The following CATSPERG variants were observed in gnomAD, a reference collection of about 807,000 sequenced individuals.
The protein encoded by CATSPERG is cation channel sperm-associated auxiliary subunit gamma.
Under a neutral mutation model 145.0 loss-of-function variants are expected in CATSPERG, and 115 were observed. That is an observed-to-expected ratio of 0.79 (90% CI 0.68 to 0.93). The LOEUF (loss-of-function observed/expected upper bound fraction) is 0.93, where lower values mean the gene tolerates loss of function less well. Ranked by LOEUF, CATSPERG falls within the 40% of genes least tolerant of loss-of-function variation. CATSPERG has a pLI of 0.00. For synonymous variants in CATSPERG, 588 were observed against 589.0 expected (o/e 1.00, Z 0.02); for missense variants, 1,296 against 1,490.1 (o/e 0.87, Z 2.14).
intron 13 of CATSPERG, among the ~76,000 whole-genome samples, 164 bp downstream of exon 13, chr19:38,358,725 T>C (rs1052430999): frequency 7.2e-5 from 11 of 152,190 alleles, no homozygotes; most frequent in African/African-American, 2.7e-4. Context: ...ACCGTTAGGG[T>C]AGTCAGTGCT....
At chr19:38,357,526 AAAG>A (rs1389855627) in intron 11 of CATSPERG, among the ~76,000 whole-genome samples, 3 of 151,894 alleles carry the variant, frequency 2.0e-5, no homozygotes, top group Admixed American at 6.6e-5. Context: ...AAAAAAAAAA[AAAG>A]AGCAGAGCCA....
chr19:38,356,700 T>C lies in CATSPERG; in HGVS notation c.1196-42T>C, dbSNP rs181520603. The C allele has an allele frequency of 5.0e-5, 81 of 1,611,410 alleles. 1 individual carries two copies. The Middle Eastern group carries it at 1.5e-3, about 30-fold the overall frequency. Reference sequence around the variant, plus strand: ...TACAGCTGGCACAGGACCAAGGCTATTGAGCCCTGGGGCGGCTCTGGACTG... The same window carrying C: ...TACAGCTGGCACAGGACCAAGGCTACTGAGCCCTGGGGCGGCTCTGGACTG... On this transcript the variant is annotated intron_variant, in intron 10 of 28. Transcript: ENST00000409235.
intron 8 of CATSPERG, 122 bp downstream of exon 8, chr19:38,352,554 C>A: frequency 2.1e-6 from 2 of 970,534 alleles, no homozygotes; most frequent in East Asian, 5.3e-5. Flanking sequence ...TGCCAAGGCC[C>A]CAAATCACCC....
In CATSPERG at chr19:38,369,996, A is replaced by T; in HGVS notation, c.3045A>T (p.Pro1015=). Residue 1015 remains proline (P), a synonymous_variant, in exon 27 of 29, where the codon CCA becomes CCT. Coordinates refer to ENST00000409235, the MANE Select transcript of CATSPERG (RefSeq NM_021185.5). ...GIEWLCLENA[P]CYDNVPQGIF... ...GGTGGCTCTGTCTGGAGAATGCCCC[A>T]TGCTATGACAATGTTCCCCAAGGCA... 6.2e-7 allele frequency: 1 copy of T among 1,614,212 alleles called. No individual in the cohort carries two copies. Among genetic ancestry groups the T allele is most frequent in the East Asian group, 2.2e-5 (1 of 44,886 alleles).
chr19:38,363,858 C>T (rs1970397254), intron 20 of CATSPERG, among the ~76,000 whole-genome samples: 1 of 152,240 alleles, frequency 6.6e-6, no homozygotes, highest in African/African-American at 2.4e-5. Context: ...TCTCCCATGT[C>T]TACTTCTTTC....
At chr19:38,341,644 G>A (rs1180417520) in intron 3 of CATSPERG, among the ~76,000 whole-genome samples, 1 of 152,134 alleles carries the variant, frequency 6.6e-6, no homozygotes, top group Non-Finnish European at 1.5e-5. Flanking sequence ...GCTCATGCCT[G>A]TAATCCCAGC....
At chr19:38,337,191 C>T (rs1325718045) in intron 1 of CATSPERG, 30 bp from the exon 2 acceptor site, 3 of 1,542,654 alleles carry the variant, frequency 1.9e-6, no homozygotes, top group South Asian at 2.4e-5. Flanking sequence ...AGCTGTCCGG[C>T]GCGTGGGTGT....
At chr19:38,358,161 A>T in intron 11 of CATSPERG, 117 bp from the exon 12 acceptor site, 1 of 940,696 alleles carries the variant, frequency 1.1e-6, no homozygotes, top group Non-Finnish European at 1.7e-6. Flanking sequence ...AGCAAACCCG[A>T]GTGGGAAGCT....
Position 38,365,056 on chromosome 19 carries a change from C to A in CATSPERG, c.2557-5C>A. 3.7e-6 allele frequency: 6 copies of A among 1,614,068 alleles called. No individual in the cohort carries two copies. Among genetic ancestry groups the A allele is most frequent in the South Asian group, 1.1e-5 (1 of 91,080 alleles). On this transcript the variant is annotated splice_region_variant and splice_polypyrimidine_tract_variant and intron_variant, in intron 21 of 28. Transcript: ENST00000409235. ...ATCACCATCTTCACCTGCTCCTACC[C>A]ACAGGTGGTGGGTTCATCCGGGCTC...
rs1253902980 is a variant in CATSPERG, at chr19:38,359,326, TG to T, written c.1497-138del. ...CTGAAGATTCTCAAAGGGTTTGGGGTGGGGGGCGGGAGCTAGGATTTCAAGC... is the reference window on the plus strand; with the variant it reads ...CTGAAGATTCTCAAAGGGTTTGGGGTGGGGGCGGGAGCTAGGATTTCAAGC... On this transcript the variant is annotated intron_variant, in intron 13 of 28. Transcript: ENST00000409235. 7 of 490,510 alleles carry T rather than the reference TG, an allele frequency of 1.4e-5. No individual in the cohort carries two copies. In the Admixed American group the frequency reaches 1.9e-4, roughly 13 times the overall value. 30.4% of individuals were successfully genotyped at this position (490,510 alleles called of 1,614,324 possible).
At chr19:38,339,685 C>T (rs1829147633) in intron 3 of CATSPERG, among the ~76,000 whole-genome samples, 2 of 151,822 alleles carry the variant, frequency 1.3e-5, no homozygotes, top group Admixed American at 1.3e-4. Context: ...TTTACAAAGG[C>T]CTTGCGTAAC....
intron 17 of CATSPERG, 95 bp downstream of exon 17, chr19:38,361,956 G>C (rs1203288013): frequency 4.8e-5 from 26 of 538,700 alleles, no homozygotes; most frequent in Non-Finnish European, 7.8e-5. Context: ...GAGCGCAGCG[G>C]GATTGGAGAA....
chr19:38,362,036 G>T, intron 17 of CATSPERG, 174 bp from the exon 18 acceptor site: 1 of 932,722 alleles, frequency 1.1e-6, no homozygotes, highest in Non-Finnish European at 1.6e-6. Flanking sequence ...CCAGGGGAAG[G>T]CGTTGGGGGT....
At chr19:38,336,155 A>C (rs889246893) in intron 1 of CATSPERG, 4 of 455,118 alleles carry the variant, frequency 8.8e-6, no homozygotes, top group African/African-American at 8.1e-5. Context: ...GGGAAGGAAG[A>C]GTAAGAAGTG....
chr19:38,353,339 AAGAG>A (rs914413552), intron 8 of CATSPERG, among the ~76,000 whole-genome samples: 6 of 151,176 alleles, frequency 4.0e-5, no homozygotes, highest in Admixed American at 2.0e-4. Flanking sequence ...GTTTAAAAAA[AAGAG>A]AGAGGAAAAA....
intron 22 of CATSPERG, chr19:38,365,351 C>T (rs142104373): frequency 0.025 from 11,999 of 488,192 alleles, 208 homozygotes; most frequent in Middle Eastern, 0.065. Flanking sequence ...GGTCTTGGCT[C>T]ACTTTGCCTC....
Position 38,358,389 on chromosome 19 carries a change from C to T in CATSPERG, c.1367-43C>T, listed in dbSNP as rs377193832. Reference sequence around the variant, plus strand: ...TGTGGGCCAGGAGGGGCCCAGGTGACTCCACTTCACTGCTGTGTCCTCTCT... The same window carrying T: ...TGTGGGCCAGGAGGGGCCCAGGTGATTCCACTTCACTGCTGTGTCCTCTCT... On this transcript the variant is annotated intron_variant, in intron 12 of 28. Transcript: ENST00000409235. The T allele has an allele frequency of 3.7e-5, 59 of 1,613,984 alleles. No individual in the cohort carries two copies. The African/African-American group carries it at 6.0e-4, about 16-fold the overall frequency.
At chr19:38,339,406 C>A (rs1969899572) in intron 3 of CATSPERG, among the ~76,000 whole-genome samples, 1 of 152,144 alleles carries the variant, frequency 6.6e-6, no homozygotes, top group South Asian at 2.1e-4. Context: ...CCAAAGGCCA[C>A]AAGGGGTTTT....
chr19:38,354,549 AGCGGGT>A (rs1970209214), intron 8 of CATSPERG, among the ~76,000 whole-genome samples, 155 bp from the exon 9 acceptor site: 1 of 152,218 alleles, frequency 6.6e-6, no homozygotes, highest in Admixed American at 6.5e-5. Context: ...TCTCAAAGGC[AGCGGGT>A]GCCCTCTGCC....
Sources: gnomAD v4.1 joint callset for allele counts (sites outside exome capture counted in the v4.1 genomes callset) on GRCh38, gnomAD v4.1.1 for gene constraint, MANE v1.5 for transcripts, NCBI Gene and HGNC (gene_info 2026-07-23, HGNC 2026-07-21) for gene names.